The following ARMC2 variants were observed in gnomAD, a reference collection of about 807,000 sequenced individuals.
The protein encoded by ARMC2 is armadillo repeat-containing protein 2.
In ARMC2, 67 loss-of-function variants were observed where a neutral mutation model predicts 90.3. That is an observed-to-expected ratio of 0.74 (90% CI 0.61 to 0.91). The LOEUF (loss-of-function observed/expected upper bound fraction) is 0.91, where lower values mean the gene tolerates loss of function less well. ARMC2 is among the 40% of genes least tolerant of loss of function. The pLI is 0.00. For synonymous variants in ARMC2, 393 were observed against 393.0 expected, an observed-to-expected ratio of 1.00 and a Z score of 0.00; for missense variants, 920 against 1,030.9, an observed-to-expected ratio of 0.89 and a Z score of 1.47.
rs755809022 is a variant in ARMC2 at position 108,899,720 on chromosome 6, G to A, written c.775G>A (p.Asp259Asn). 6.2e-7 allele frequency: 1 copy of A among 1,613,698 alleles called. No individual in the cohort carries two copies. Among genetic ancestry groups the A allele is most frequent in the South Asian group, 1.1e-5 (1 of 91,014 alleles). ...CCCAAAAGCTGACCTGCAAGAAGAG[G>A]ACGCAGAAATAGAAGTAGACGAAGT... ...AVPKADLQEE[D>N]AEIEVDEVFW... is the part of the protein sequence containing the mutation. The change falls in exon 7 of 18, where the codon GAC (aspartate) becomes AAC (asparagine). Residue 259 changes from aspartate (D) to asparagine (N), a missense_variant. By Grantham distance (23) the Asp-to-Asn change is conservative. Transcript: ENST00000392644.
the ARMC2 span, among the ~76,000 whole-genome samples, chr6:109,030,737 A>T: frequency 6.6e-6 from 1 of 152,236 alleles, no homozygotes; most frequent in Non-Finnish European, 1.5e-5. Flanking sequence ...TGTAAAATGT[A>T]TATAGGATTT....
intron 5 of ARMC2, among the ~76,000 whole-genome samples, 160 bp from the exon 6 acceptor site, chr6:108,894,307 A>G (rs1350721675): frequency 6.6e-6 from 1 of 152,260 alleles, no homozygotes; most frequent in Admixed American, 6.5e-5. Context: ...TTGAGGCTGC[A>G]GTGAGCTATG....
chr6:108,938,477 C>T (rs553325719), intron 12 of ARMC2, among the ~76,000 whole-genome samples: 1 of 150,538 alleles, frequency 6.6e-6, no homozygotes, highest in African/African-American at 2.4e-5. Context: ...CAGGTGTGAG[C>T]CACTGTGCCT....
At chr6:108,943,358 T>C (rs1406286719) in intron 12 of ARMC2, among the ~76,000 whole-genome samples, 2 of 152,148 alleles carry the variant, frequency 1.3e-5, no homozygotes, top group Non-Finnish European at 2.9e-5. Context: ...GGGGTATTGA[T>C]GAGGAATAAG....
chr6:108,936,780 G>A, intron 11 of ARMC2, 120 bp from the exon 12 acceptor site: 1 of 788,076 alleles, frequency 1.3e-6, no homozygotes, highest in Non-Finnish European at 2.0e-6. Context: ...AGTATTTTTA[G>A]ACTCCTTTTC....
rs1776009688 is a variant in ARMC2 at position 108,937,005 on chromosome 6, T to C, written c.1596+6T>C. The C allele has an allele frequency of 6.4e-7, 1 of 1,571,086 alleles. No individual in the cohort carries two copies. The highest frequency in any genetic ancestry group is 1.8e-5 in the Admixed American group (1 of 55,272). ...ACAAATACCAGAAGAAGCAGGTCAG[T>C]TCTTCATTCATTTAATTCTTCAATG... On this transcript the variant is annotated splice_donor_region_variant and intron_variant, in intron 12 of 17. Coordinates refer to ENST00000392644, the MANE Select transcript of ARMC2 (RefSeq NM_032131.6).
intron 7 of ARMC2, among the ~76,000 whole-genome samples, chr6:108,901,836 T>C (rs1478499671): frequency 6.6e-6 from 1 of 152,204 alleles, no homozygotes; most frequent in Non-Finnish European, 1.5e-5. Flanking sequence ...GTAGAAAAAA[T>C]AAAAGCCTGG....
At chr6:108,923,366 G>C (rs998860154) in intron 10 of ARMC2, among the ~76,000 whole-genome samples, 1 of 152,122 alleles carries the variant, frequency 6.6e-6, no homozygotes, top group African/African-American at 2.4e-5. Context: ...GTTAACTCCT[G>C]CTTTGGGGGA....
intron 14 of ARMC2, 117 bp from the exon 15 acceptor site, chr6:108,961,897 A>G (rs529129348): frequency 2.1e-6 from 2 of 968,684 alleles, no homozygotes; most frequent in East Asian, 2.6e-5. Flanking sequence ...AGTCCCTTAC[A>G]GTTTGTAATT....
At chr6:108,912,120 A>G (rs1326707641) in intron 9 of ARMC2, among the ~76,000 whole-genome samples, 2 of 152,206 alleles carry the variant, frequency 1.3e-5, no homozygotes, top group Non-Finnish European at 1.5e-5. Context: ...ATTTATTAAC[A>G]ATCCCATCCT....
At chr6:108,965,897 C>T (rs907380565) in intron 17 of ARMC2, among the ~76,000 whole-genome samples, 33 of 151,422 alleles carry the variant, frequency 2.2e-4, no homozygotes, top group Non-Finnish European at 4.1e-4. Context: ...AAGCGATCCT[C>T]CCACCTCAGC....
chr6:108,864,340 C>G (rs1300555049), intron 3 of ARMC2, among the ~76,000 whole-genome samples: 1 of 151,448 alleles, frequency 6.6e-6, no homozygotes, highest in African/African-American at 2.4e-5. Context: ...CCATTGCCTC[C>G]CGGGTTCAAG....
downstream of ARMC2, among the ~76,000 whole-genome samples, chr6:108,979,181 A>G (rs1164496521): frequency 1.3e-5 from 2 of 152,038 alleles, no homozygotes; most frequent in Non-Finnish European, 2.9e-5. Flanking sequence ...CTTGTAAGGG[A>G]GGCCTGGTGG....
chr6:109,014,248 T>TTAAA, the ARMC2 span, among the ~76,000 whole-genome samples: 1 of 152,210 alleles, frequency 6.6e-6, no homozygotes. Context: ...AATCAATGTG[T>TTAAA]TAAATAACGG....
chr6:108,855,082 A>G (rs921880025), intron 2 of ARMC2, among the ~76,000 whole-genome samples: 1 of 152,022 alleles, frequency 6.6e-6, no homozygotes, highest in African/African-American at 2.4e-5. Flanking sequence ...ATTTCTTTTT[A>G]GTGCTGAATA....
intron 15 of ARMC2, among the ~76,000 whole-genome samples, chr6:108,963,528 T>C (rs1188106037): frequency 6.6e-6 from 1 of 152,198 alleles, no homozygotes; most frequent in Non-Finnish European, 1.5e-5. Context: ...GTGCACGTAC[T>C]GTGGGAGGAG....
At chr6:109,008,667 A>T in the ARMC2 span, 1 of 516,992 alleles carries the variant, frequency 1.9e-6, no homozygotes, top group Non-Finnish European at 2.5e-6. Context: ...TTCGAGTTTT[A>T]CCTAAGGTTA....
the ARMC2 span, chr6:109,001,573 T>C: frequency 3.4e-6 from 4 of 1,161,256 alleles, no homozygotes; most frequent in Non-Finnish European, 5.0e-6. Context: ...ACTCTAAGTA[T>C]CATTTAGAAG....
chr6:109,022,887 T>C, the ARMC2 span, among the ~76,000 whole-genome samples: 2 of 152,172 alleles, frequency 1.3e-5, no homozygotes, highest in Non-Finnish European at 2.9e-5. Flanking sequence ...TACTATACCA[T>C]AATGCTGCCT....
Sources: gnomAD v4.1 joint callset for allele counts (sites outside exome capture counted in the v4.1 genomes callset) on GRCh38, gnomAD v4.1.1 for gene constraint, MANE v1.5 for transcripts, NCBI Gene and HGNC (gene_info 2026-07-23, HGNC 2026-07-21) for gene names.